The following ELMO1 variants were observed in gnomAD, a reference collection of about 807,000 sequenced individuals.
ELMO1 encodes engulfment and cell motility protein 1.
A neutral mutation model predicts 98.9 loss-of-function variants in ELMO1; 26 were observed. The observed-to-expected ratio is 0.26, with a 90% CI of 0.19 to 0.36. ELMO1 has a LOEUF of 0.36. ELMO1 is among the 10% of genes least tolerant of loss of function. The pLI, the probability that ELMO1 is intolerant of heterozygous loss-of-function variation, is 1.00. For synonymous variants in ELMO1, 346 were observed against 346.0 expected (o/e 1.00, Z 0.00); for missense variants, 627 against 935.2 (o/e 0.67, Z 4.30).
intron 5 of ELMO1, among the ~76,000 whole-genome samples, chr7:37,266,558 G>A (rs928531712): frequency 2.6e-5 from 4 of 152,124 alleles, no homozygotes; most frequent in Non-Finnish European, 4.4e-5. Context: ...AATTCAGTTC[G>A]CTTATAATAG....
intron 15 of ELMO1, among the ~76,000 whole-genome samples, chr7:37,062,131 T>C (rs1796697444): frequency 6.6e-6 from 1 of 152,228 alleles, no homozygotes; most frequent in Non-Finnish European, 1.5e-5. Flanking sequence ...AATTATGCAT[T>C]AATATGCAAA....
At chr7:36,964,955 C>T (rs1323218860) in intron 16 of ELMO1, among the ~76,000 whole-genome samples, 1 of 152,112 alleles carries the variant, frequency 6.6e-6, no homozygotes, top group African/African-American at 2.4e-5. Flanking sequence ...GCCTTGCTTC[C>T]CTCTGACCTC....
At chr7:37,152,868 A>T (rs895382041) in intron 13 of ELMO1, among the ~76,000 whole-genome samples, 4 of 152,190 alleles carry the variant, frequency 2.6e-5, no homozygotes, top group African/African-American at 7.2e-5. Flanking sequence ...GAAAAAAGCA[A>T]GTTTTTGTAT....
In ELMO1 at chr7:37,424,071, C is replaced by A. The variant is rs557028997; in HGVS notation, c.-74+24604G>T. Among the ~76,000 whole-genome samples, 39 of 152,280 alleles carry A rather than the reference C, an allele frequency of 2.6e-4. No individual in the cohort carries two copies. In the South Asian group the frequency reaches 7.9e-3, roughly 31 times the overall value. ...AGATCAAGGTCCAGTGGGGCACTTG[C>A]CCACTTCCCAGGACAACAAAGCAAA... On this transcript the variant is annotated intron_variant, in intron 1 of 21. Coordinates refer to ENST00000310758, the MANE Select transcript of ELMO1 (RefSeq NM_014800.11).
intron 7 of ELMO1, among the ~76,000 whole-genome samples, chr7:37,241,977 G>C (rs1794787501): frequency 6.6e-6 from 1 of 152,068 alleles, no homozygotes; most frequent in East Asian, 1.9e-4. Flanking sequence ...ACAGATCTGA[G>C]TATCTATCTA....
At chr7:36,861,624 A>T (rs1802635235) in intron 21 of ELMO1, 35 bp downstream of exon 21, 1 of 1,591,394 alleles carries the variant, frequency 6.3e-7, no homozygotes, top group African/African-American at 1.4e-5. Context: ...AAAAGATAAC[A>T]TTATCTCATA....
chr7:37,442,781 G>A (rs899790139), intron 1 of ELMO1, among the ~76,000 whole-genome samples: 4 of 152,186 alleles, frequency 2.6e-5, no homozygotes, highest in African/African-American at 9.7e-5. Flanking sequence ...AGGACATACA[G>A]GAGTGAAGAG....
At chr7:37,198,530 T>C (rs1218138830) in intron 13 of ELMO1, among the ~76,000 whole-genome samples, 1 of 152,228 alleles carries the variant, frequency 6.6e-6, no homozygotes, top group Non-Finnish European at 1.5e-5. Flanking sequence ...AGGTAAATTG[T>C]TCAAGATCAC....
At chr7:37,035,279 T>C (rs955647625) in intron 15 of ELMO1, among the ~76,000 whole-genome samples, 2 of 152,228 alleles carry the variant, frequency 1.3e-5, no homozygotes, top group East Asian at 3.8e-4. Flanking sequence ...TATCCAACCA[T>C]CCTTTGCTGG....
intron 13 of ELMO1, among the ~76,000 whole-genome samples, chr7:37,158,249 A>G (rs1305245066): frequency 6.6e-6 from 1 of 152,230 alleles, no homozygotes; most frequent in African/African-American, 2.4e-5. Context: ...GGCATTGGCA[A>G]AGACTTCATG....
intron 16 of ELMO1, among the ~76,000 whole-genome samples, chr7:36,910,641 T>C (rs1314805573): frequency 6.6e-6 from 1 of 152,168 alleles, no homozygotes; most frequent in African/African-American, 2.4e-5. Context: ...TAAACCTCTC[T>C]AGGTCTCAGA....
chr7:36,966,171 C>T (rs1562862796), intron 16 of ELMO1, among the ~76,000 whole-genome samples: 1 of 152,202 alleles, frequency 6.6e-6, no homozygotes, highest in African/African-American at 2.4e-5. Context: ...TCAAGTCTTA[C>T]ATTATCTTGC....
rs556945505 is a variant in ELMO1 at position 37,261,551 on chromosome 7, C to T, written c.244-2201G>A. Among the ~76,000 whole-genome samples the T allele has an allele frequency of 6.4e-4, 98 of 152,288 alleles. 1 individual carries two copies. In the Middle Eastern group the frequency reaches 0.014, roughly 21 times the overall value. On this transcript the variant is annotated intron_variant, in intron 5 of 21. Coordinates refer to ENST00000310758, the MANE Select transcript of ELMO1 (RefSeq NM_014800.11). ...CTGAGGACCACCACTCTAAATCACT[C>T]AGGATGCTGCATCTCTCCGTGATGA...
intron 13 of ELMO1, among the ~76,000 whole-genome samples, chr7:37,168,745 C>T (rs1410379141): frequency 6.6e-6 from 1 of 152,200 alleles, no homozygotes; most frequent in Non-Finnish European, 1.5e-5. Context: ...CAGTCTGCCC[C>T]TACTGGGGGG....
At chr7:37,028,485 T>C (rs981985979) in intron 15 of ELMO1, among the ~76,000 whole-genome samples, 2 of 152,168 alleles carry the variant, frequency 1.3e-5, no homozygotes, top group Non-Finnish European at 2.9e-5. Context: ...CCCATAGAAA[T>C]TTTATTGTTT....
At chr7:37,396,629 T>A (rs1174427193) in intron 1 of ELMO1, among the ~76,000 whole-genome samples, 1 of 152,210 alleles carries the variant, frequency 6.6e-6, no homozygotes, top group Non-Finnish European at 1.5e-5. Flanking sequence ...TCATTTACCC[T>A]TATAGATTGT....
chr7:37,122,617 G>A (rs997708444), intron 14 of ELMO1, among the ~76,000 whole-genome samples: 2 of 152,144 alleles, frequency 1.3e-5, no homozygotes, highest in Non-Finnish European at 2.9e-5. Flanking sequence ...CCCAATACAG[G>A]AGCACCAGAT....
At chr7:37,383,598 T>C (rs1186807646) in intron 1 of ELMO1, among the ~76,000 whole-genome samples, 1 of 152,234 alleles carries the variant, frequency 6.6e-6, no homozygotes, top group Non-Finnish European at 1.5e-5. Context: ...ACTGCTTACA[T>C]ATTTTGTTAC....
chr7:36,905,747 G>T (rs183948815), intron 16 of ELMO1, among the ~76,000 whole-genome samples: 54 of 152,228 alleles, frequency 3.5e-4, no homozygotes, highest in Middle Eastern at 3.4e-3. Context: ...TATGTTTCTG[G>T]TATTTAATAC....
Sources: allele counts gnomAD v4.1 joint callset (sites outside exome capture counted in the v4.1 genomes callset), GRCh38; gene constraint gnomAD v4.1.1; transcripts MANE v1.5; gene names NCBI Gene and HGNC (gene_info 2026-07-23, HGNC 2026-07-21).